Variants in PRKG1 observed in about 807,000 individuals in gnomAD.
PRKG1 encodes protein kinase cGMP-dependent 1, also known as cGMP-dependent protein kinase 1.
Under a neutral mutation model 88.1 loss-of-function variants are expected in PRKG1, and 35 were observed. That is an observed-to-expected ratio of 0.40 (90% confidence interval 0.30 to 0.53). PRKG1 has a LOEUF of 0.53. Ranked by LOEUF, PRKG1 falls within the 20% of genes least tolerant of loss-of-function variation. The pLI is 0.59. For synonymous variants in PRKG1, 303 were observed against 292.5 expected, an observed-to-expected ratio of 1.04 and a Z score of -0.37; for missense variants, 540 against 839.8, an observed-to-expected ratio of 0.64 and a Z score of 4.41.
intron 1 of PRKG1, among the ~76,000 whole-genome samples, chr10:50,998,026 C>T (rs1381906936): frequency 3.3e-5 from 5 of 152,124 alleles, no homozygotes; most frequent in Admixed American, 3.3e-4. Context: ...CTTCTTAGGT[C>T]TGTTATTATA....
At chr10:52,180,736 G>A (rs1838999945) in intron 9 of PRKG1, among the ~76,000 whole-genome samples, 1 of 152,174 alleles carries the variant, frequency 6.6e-6, no homozygotes, top group Non-Finnish European at 1.5e-5. Flanking sequence ...GGCTTGTCAG[G>A]CTGTTTCTCA....
chr10:52,233,768 G>A (rs1461472342), intron 9 of PRKG1, among the ~76,000 whole-genome samples: 12 of 151,278 alleles, frequency 7.9e-5, no homozygotes, highest in Non-Finnish European at 1.6e-4. Flanking sequence ...GGCTTGCTTA[G>A]GTAAACAAAG....
intron 3 of PRKG1, among the ~76,000 whole-genome samples, chr10:51,664,802 T>C (rs1044061764): frequency 1.3e-5 from 2 of 152,162 alleles, no homozygotes; most frequent in African/African-American, 4.8e-5. Context: ...TTTTTTTAAA[T>C]GAAGAAGATA....
At chr10:51,684,306 G>T (rs1840929873) in intron 3 of PRKG1, among the ~76,000 whole-genome samples, 1 of 152,150 alleles carries the variant, frequency 6.6e-6, no homozygotes, top group Non-Finnish European at 1.5e-5. Context: ...AGGAAAAGTA[G>T]AACAGTGGTT....
intron 1 of PRKG1, among the ~76,000 whole-genome samples, chr10:51,024,552 G>GA (rs948765822): frequency 3.9e-5 from 6 of 151,974 alleles, no homozygotes; most frequent in Admixed American, 1.3e-4. Context: ...AATAATTTGA[G>GA]AAAAAAATCT....
chr10:51,590,951 A>G (rs1838297412), intron 3 of PRKG1, among the ~76,000 whole-genome samples: 1 of 152,202 alleles, frequency 6.6e-6, no homozygotes, highest in African/African-American at 2.4e-5. Context: ...GAATGTGGAA[A>G]CCTGCAATTA....
At chr10:51,201,530 A>G (rs2132056512) in intron 2 of PRKG1, among the ~76,000 whole-genome samples, 1 of 152,342 alleles carries the variant, frequency 6.6e-6, no homozygotes, top group South Asian at 2.1e-4. Flanking sequence ...TTGTTCATTT[A>G]TTAACCTGTC....
chr10:51,499,134 A>G (rs560916476), intron 3 of PRKG1, among the ~76,000 whole-genome samples: 1 of 152,360 alleles, frequency 6.6e-6, no homozygotes, highest in African/African-American at 2.4e-5. Flanking sequence ...CCAAAGAGAC[A>G]TAACTTAAGA....
intron 1 of PRKG1, among the ~76,000 whole-genome samples, chr10:50,993,821 T>TTTG (rs1206648123): frequency 2.6e-5 from 4 of 152,076 alleles, no homozygotes; most frequent in Non-Finnish European, 5.9e-5. Flanking sequence ...AAGGAGGTGT[T>TTTG]TTGTTGTTGT....
At chr10:52,217,159 CT>C (rs1840131755) in intron 9 of PRKG1, among the ~76,000 whole-genome samples, 1 of 152,136 alleles carries the variant, frequency 6.6e-6, no homozygotes. Flanking sequence ...CAAGGCTCTT[CT>C]GACCTTGCCT....
chr10:52,124,953 T>C (rs1847898276), intron 7 of PRKG1, among the ~76,000 whole-genome samples: 1 of 152,174 alleles, frequency 6.6e-6, no homozygotes, highest in Non-Finnish European at 1.5e-5. Flanking sequence ...CACATGGAGC[T>C]GTTATCTTCT....
At chr10:51,315,165 A>G (rs140635791) in intron 2 of PRKG1, among the ~76,000 whole-genome samples, 219 of 152,290 alleles carry the variant, frequency 1.4e-3, no homozygotes, top group African/African-American at 5.1e-3. Context: ...TTTGTAATCA[A>G]AAAAACTGAT....
intron 3 of PRKG1, among the ~76,000 whole-genome samples, chr10:51,625,454 G>C (rs1490473774): frequency 6.6e-6 from 1 of 152,132 alleles, no homozygotes; most frequent in South Asian, 2.1e-4. Flanking sequence ...TCCAGCCTGG[G>C]TGACAGAGTG....
intron 3 of PRKG1, among the ~76,000 whole-genome samples, chr10:51,681,201 G>T (rs991271723): frequency 8.5e-5 from 13 of 152,202 alleles, no homozygotes; most frequent in African/African-American, 3.1e-4. Context: ...ATTTTAAAAT[G>T]TATCTATTCA....
intron 7 of PRKG1, among the ~76,000 whole-genome samples, chr10:52,120,005 CAG>C (rs765397932): frequency 8.0e-5 from 11 of 137,618 alleles, no homozygotes; most frequent in Non-Finnish European, 1.3e-4. Context: ...GAGAGAGAGA[CAG>C]AGAGAGAGAG....
intron 3 of PRKG1, among the ~76,000 whole-genome samples, chr10:51,518,549 A>G (rs914497509): frequency 4.6e-5 from 7 of 152,196 alleles, no homozygotes; most frequent in African/African-American, 1.4e-4. Context: ...TATCTTCAAT[A>G]TAAAACATGC....
At chr10:51,475,790 TAAC>T (rs1840175314) in intron 3 of PRKG1, among the ~76,000 whole-genome samples, 1 of 151,994 alleles carries the variant, frequency 6.6e-6, no homozygotes, top group Admixed American at 6.6e-5. Flanking sequence ...GCCATGTTGT[TAAC>T]AAAAATCACT....
At chr10:51,734,557 T>C (rs983514331) in intron 3 of PRKG1, among the ~76,000 whole-genome samples, 18 of 152,158 alleles carry the variant, frequency 1.2e-4, no homozygotes, top group Non-Finnish European at 2.4e-4. Flanking sequence ...TGAGAAGGAA[T>C]GTCCAATACG....
chr10:51,953,263 T>G (rs1252609776), intron 5 of PRKG1, among the ~76,000 whole-genome samples: 1 of 152,166 alleles, frequency 6.6e-6, no homozygotes, highest in South Asian at 2.1e-4. Context: ...GTGGTTCACC[T>G]TCGCCCCCCA....
Sources: gnomAD v4.1 joint callset for allele counts (sites outside exome capture counted in the v4.1 genomes callset) on GRCh38, gnomAD v4.1.1 for gene constraint, MANE v1.5 for transcripts, NCBI Gene and HGNC (gene_info 2026-07-23, HGNC 2026-07-21) for gene names.